PLCL2: variants seen among roughly 807,000 people sequenced by gnomAD.
PLCL2 encodes inactive phospholipase C-like protein 2.
Under a neutral mutation model 79.6 loss-of-function variants are expected in PLCL2, and 4 were observed. That is an observed-to-expected ratio of 0.05 (90% confidence interval 0.02 to 0.11). The LOEUF is 0.11. Ranked by LOEUF, PLCL2 falls within the 10% of genes least tolerant of loss-of-function variation. The pLI is 1.00. For synonymous variants in PLCL2, 484 were observed against 457.7 expected (o/e 1.06, Z -0.73); for missense variants, 895 against 1,291.0 (o/e 0.69, Z 4.70).
intron 1 of PLCL2, among the ~76,000 whole-genome samples, chr3:16,971,545 T>G (rs1485872641): frequency 6.6e-6 from 1 of 152,140 alleles, no homozygotes; most frequent in African/African-American, 2.4e-5. Context: ...CTTTTTTGGT[T>G]CCATATGAAC....
At chr3:16,918,267 A>C (rs1201166405) in intron 1 of PLCL2, among the ~76,000 whole-genome samples, 3 of 151,928 alleles carry the variant, frequency 2.0e-5, no homozygotes, top group Non-Finnish European at 4.4e-5. Context: ...TGTTAAAACA[A>C]TAGATAGTTT....
chr3:17,017,713 A>G (rs1244590054), intron 3 of PLCL2, among the ~76,000 whole-genome samples: 1 of 152,234 alleles, frequency 6.6e-6, no homozygotes, highest in Non-Finnish European at 1.5e-5. Flanking sequence ...TGTCATGGCC[A>G]GTCTACATGC....
intron 1 of PLCL2, among the ~76,000 whole-genome samples, chr3:16,910,331 A>G (rs960148011): frequency 3.9e-5 from 6 of 151,922 alleles, no homozygotes; most frequent in Non-Finnish European, 5.9e-5. Context: ...TGTCAAGGTC[A>G]CCAATACCCT....
At chr3:17,086,630 G>A (rs2065222803) in intron 5 of PLCL2, among the ~76,000 whole-genome samples, 1 of 152,170 alleles carries the variant, frequency 6.6e-6, no homozygotes, top group Non-Finnish European at 1.5e-5. Flanking sequence ...ACAATGTCAA[G>A]AGAATGAGAA....
At position 17,010,349 on chromosome 3, in the gene PLCL2, T is replaced by C; in HGVS notation, c.1003T>C (p.Phe335Leu). 6.2e-7 allele frequency: 1 copy of C among 1,614,120 alleles called. No individual in the cohort carries two copies. Among genetic ancestry groups the C allele is most frequent in the East Asian group, 2.2e-5 (1 of 44,870 alleles). ...EVTKEEFIEV[F>L]HELCTRPEIY... ...CACAAAGGAAGAATTTATTGAGGTT[T>C]TTCATGAGCTTTGTACTAGACCTGA... The change falls in exon 2 of 6, where the codon TTT becomes CTT. Residue 335 changes from phenylalanine (F) to leucine (L), a missense_variant. Transcript: ENST00000615277. This position sits in a 1 kb window ranked among gnomAD's most constrained non-coding sequence, Gnocchi z 5.8.
At chr3:16,896,865 A>G (rs567135656) in intron 1 of PLCL2, among the ~76,000 whole-genome samples, 9 of 152,350 alleles carry the variant, frequency 5.9e-5, no homozygotes, top group African/African-American at 2.2e-4. Flanking sequence ...CCTGGATTCT[A>G]AAACATACTA....
chr3:16,915,906 G>T (rs540643666), intron 1 of PLCL2, among the ~76,000 whole-genome samples: 35 of 152,302 alleles, frequency 2.3e-4, no homozygotes, highest in Middle Eastern at 3.4e-3. Flanking sequence ...TTCAGAAGCA[G>T]GGAATGCAAT....
At chr3:16,898,327 A>G (rs1389553174) in intron 1 of PLCL2, among the ~76,000 whole-genome samples, 1 of 151,952 alleles carries the variant, frequency 6.6e-6, no homozygotes, top group Non-Finnish European at 1.5e-5. Context: ...AACATTCAGT[A>G]CTCAGTAATA....
Position 17,010,921 on chromosome 3 carries a change from T to G in PLCL2, c.1575T>G (p.Ile525Met). 1 of 1,614,060 alleles carries G rather than the reference T, an allele frequency of 6.2e-7. No homozygotes were observed. Among genetic ancestry groups the G allele is most frequent in the Non-Finnish European group, 8.5e-7 (1 of 1,179,996 alleles). The change falls in exon 2 of 6, where the codon ATT becomes ATG. Residue 525 changes from isoleucine to methionine, a missense_variant. By Grantham distance (10) the Ile-to-Met change is conservative. Around this residue, in one of 6 missense-constraint regions of PLCL2, gnomAD observed 242 missense variants for 399.5 expected, o/e 0.61. Coordinates refer to ENST00000615277, the MANE Select transcript of PLCL2 (RefSeq NM_001144382.2). The surrounding 1 kb of genome is among the most constrained non-coding windows in gnomAD (Gnocchi z 5.8). ...LILCLENHCSIKQQKVMVQHM... is the reference protein window; with the variant it reads ...LILCLENHCSMKQQKVMVQHM... Reference sequence around the variant, plus strand: ...TGTGTTTAGAAAACCACTGTTCCATTAAACAACAGAAGGTAATGGTTCAGC... The same window carrying G: ...TGTGTTTAGAAAACCACTGTTCCATGAAACAACAGAAGGTAATGGTTCAGC...
intron 1 of PLCL2, among the ~76,000 whole-genome samples, chr3:17,004,114 G>A (rs1011093184): frequency 2.0e-5 from 3 of 152,128 alleles, no homozygotes; most frequent in Admixed American, 1.3e-4. Context: ...GGAGGGGCGT[G>A]TCACTCTTTG....
At chr3:17,026,891 G>A (rs545116123) in intron 3 of PLCL2, among the ~76,000 whole-genome samples, 98 of 151,536 alleles carry the variant, frequency 6.5e-4, no homozygotes, top group African/African-American at 1.9e-3. Context: ...TAAATAGATC[G>A]TTTATCTTGT....
intron 4 of PLCL2, among the ~76,000 whole-genome samples, chr3:17,062,259 G>A (rs2064960164): frequency 6.6e-6 from 1 of 152,176 alleles, no homozygotes; most frequent in South Asian, 2.1e-4. Context: ...ATTCCTGCAT[G>A]TTTTATTGGA....
intron 1 of PLCL2, among the ~76,000 whole-genome samples, chr3:16,949,238 T>C (rs1304657166): frequency 6.6e-6 from 1 of 152,188 alleles, no homozygotes; most frequent in Non-Finnish European, 1.5e-5. Flanking sequence ...TGTGTCCATT[T>C]CTACTTCGAT....
chr3:16,952,901 T>C (rs1377036884), intron 1 of PLCL2, among the ~76,000 whole-genome samples: 1 of 152,140 alleles, frequency 6.6e-6, no homozygotes, highest in Non-Finnish European at 1.5e-5. Context: ...TGTTAAAATT[T>C]TGAGTATTTA....
intron 1 of PLCL2, among the ~76,000 whole-genome samples, chr3:16,895,153 T>C (rs1294518634): frequency 6.6e-6 from 1 of 152,128 alleles, no homozygotes; most frequent in Non-Finnish European, 1.5e-5. Context: ...TATAGATATA[T>C]GTTGAAAATG....
In PLCL2 at chr3:17,089,898, G is replaced by A; in HGVS notation, c.3370G>A (p.Glu1124Lys). The A allele has an allele frequency of 6.2e-7, 1 of 1,612,304 alleles. No homozygotes were observed. The highest frequency in any genetic ancestry group is 8.5e-7 in the Non-Finnish European group (1 of 1,179,524). The change falls in exon 6 of 6, where the codon GAA becomes AAA. Residue 1124 changes from glutamate (E) to lysine (K), a missense_variant. Transcript: ENST00000615277. ...LEVIPEKAND[E>K]TGE ...AGTCATACCCGAAAAAGCAAACGAT[G>A]AAACTGGAGAATGAGGAAACTTACA...
intron 1 of PLCL2, among the ~76,000 whole-genome samples, chr3:16,915,084 G>T (rs1440481502): frequency 1.3e-5 from 2 of 152,190 alleles, no homozygotes; most frequent in African/African-American, 4.8e-5. Context: ...AGGAAATGAA[G>T]ATTTGATCTG....
intron 5 of PLCL2, among the ~76,000 whole-genome samples, chr3:17,080,275 A>T (rs554289865): frequency 3.3e-5 from 5 of 152,256 alleles, no homozygotes; most frequent in African/African-American, 4.8e-5. Flanking sequence ...TTCAACCGTA[A>T]GGTTTACTGA....
At position 17,068,077 on chromosome 3, in the gene PLCL2, G is replaced by T. The variant is rs1225885573; in HGVS notation, c.3204+12G>T. ...TTACCATCTTAAAGGTATCTATAGA[G>T]TTGTTTCTGATGCTGGTGATTTTGC... On this transcript the variant is annotated intron_variant, in intron 5 of 5. Transcript: ENST00000615277. 1.4e-6 allele frequency: 2 copies of T among 1,453,582 alleles called. No homozygotes were observed. Among genetic ancestry groups the T allele is most frequent in the East Asian group, 2.3e-5 (1 of 43,964 alleles). 90.0% of individuals were successfully genotyped at this position (1,453,582 alleles called of 1,614,324 possible).
Sources: allele counts gnomAD v4.1 joint callset (sites outside exome capture counted in the v4.1 genomes callset), GRCh38; gene constraint gnomAD v4.1.1; regional missense constraint gnomAD v4.1.1; non-coding constraint Gnocchi (gnomAD v3.1); transcripts MANE v1.5; gene names NCBI Gene and HGNC (gene_info 2026-07-23, HGNC 2026-07-21).